Variants in DIAPH2 observed in about 807,000 individuals in gnomAD.
DIAPH2 encodes diaphanous related formin 2.
A neutral mutation model predicts 92.7 loss-of-function variants in DIAPH2; 35 were observed. That is an observed-to-expected ratio of 0.38 (90% CI 0.29 to 0.50). The LOEUF is 0.50. Ranked by LOEUF, DIAPH2 falls within the 20% of genes least tolerant of loss-of-function variation. DIAPH2 has a pLI of 0.94. For missense variants in DIAPH2, 701 were observed against 819.5 expected (o/e 0.86, Z 1.77); for synonymous variants, 301 against 280.4 (o/e 1.07, Z -0.73).
chrX:97,260,524 T>A (rs1056552976), intron 23 of DIAPH2, among the ~76,000 whole-genome samples: 5 of 112,333 alleles, frequency 4.5e-5, no homozygotes, highest in African/African-American at 1.6e-4. Context: ...GACAGTTTGG[T>A]ACCTTGGCGA....
At chrX:97,425,620 CA>C (rs1009042466) in intron 25 of DIAPH2, among the ~76,000 whole-genome samples, 25 of 103,880 alleles carry the variant, frequency 2.4e-4, no homozygotes, top group African/African-American at 8.0e-4. Context: ...ACTAAAAATA[CA>C]AAAAAAAAAT....
chrX:97,347,702 G>T (rs1272753132), intron 23 of DIAPH2, among the ~76,000 whole-genome samples: 1 of 111,251 alleles, frequency 9.0e-6, no homozygotes, highest in Non-Finnish European at 1.9e-5. Flanking sequence ...ATATGTTGAA[G>T]TCCTAACCAC....
chrX:97,001,424 C>T (rs1483316526), intron 17 of DIAPH2, among the ~76,000 whole-genome samples: 4 of 111,847 alleles, frequency 3.6e-5, no homozygotes, highest in African/African-American at 1.3e-4. Context: ...GCGGGTAGAT[C>T]ACGAGGTCAG....
At position 97,436,552 on chromosome X, in the gene DIAPH2, AG is replaced by A. The variant is rs2070188788; in HGVS notation, c.3241+6808del. ...GACAAGAAACAATGTTATACAACAG[AG>A]AAAAAGAAACCTCCGTATGTATTAG... On this transcript the variant is annotated intron_variant, in intron 26 of 26. Coordinates refer to ENST00000324765, the MANE Select transcript of DIAPH2 (RefSeq NM_006729.5). Among the ~76,000 whole-genome samples, 4 of 112,101 alleles carry A rather than the reference AG, an allele frequency of 3.6e-5. No homozygotes were observed. In the South Asian group the frequency reaches 1.5e-3, roughly 42 times the overall value.
chrX:97,438,032 G>A (rs1343538069), intron 26 of DIAPH2, among the ~76,000 whole-genome samples: 1 of 108,014 alleles, frequency 9.3e-6, no homozygotes, highest in Non-Finnish European at 1.9e-5. Flanking sequence ...TGGGCATGGA[G>A]GCACGTGCCT....
At chrX:96,919,892 T>A (rs1051475046) in intron 9 of DIAPH2, among the ~76,000 whole-genome samples, 1 of 108,771 alleles carries the variant, frequency 9.2e-6, no homozygotes, top group East Asian at 2.9e-4. Context: ...TATTTATTTA[T>A]TTATTTATTA....
chrX:96,927,818 C>T (rs2065594245), intron 9 of DIAPH2, among the ~76,000 whole-genome samples: 1 of 110,607 alleles, frequency 9.0e-6, no homozygotes, highest in Non-Finnish European at 1.9e-5. Context: ...CTTTACTGCT[C>T]AGGATGTACA....
chrX:96,804,858 A>G, intron 4 of DIAPH2, among the ~76,000 whole-genome samples: 1 of 111,923 alleles, frequency 8.9e-6, no homozygotes, highest in Non-Finnish European at 1.9e-5. Context: ...CCAGTGAGGC[A>G]CTAATGTCCT....
chrX:97,292,042 T>G (rs1350549614), intron 23 of DIAPH2, among the ~76,000 whole-genome samples: 1 of 107,833 alleles, frequency 9.3e-6, no homozygotes, highest in Non-Finnish European at 1.9e-5. Context: ...CTATTAATAC[T>G]GCTAGTTTTA....
At chrX:97,149,839 C>T (rs990202665) in intron 22 of DIAPH2, among the ~76,000 whole-genome samples, 2 of 105,832 alleles carry the variant, frequency 1.9e-5, no homozygotes, top group Non-Finnish European at 3.9e-5. Context: ...TTTAGGGGAA[C>T]GTTGTTAAAT....
At chrX:96,723,772 A>G (rs896356018) in intron 1 of DIAPH2, among the ~76,000 whole-genome samples, 2 of 111,743 alleles carry the variant, frequency 1.8e-5, no homozygotes, top group African/African-American at 6.5e-5. Flanking sequence ...TTTGTTGAAA[A>G]TAAGTTTAAC....
intron 21 of DIAPH2, among the ~76,000 whole-genome samples, chrX:97,128,170 C>A (rs1443414860): frequency 9.0e-6 from 1 of 111,676 alleles, no homozygotes; most frequent in Non-Finnish European, 1.9e-5. Context: ...CTGCTGGTTG[C>A]CCATTTTTAT....
chrX:96,932,094 A>G (rs2065623349), intron 10 of DIAPH2, among the ~76,000 whole-genome samples: 2 of 110,406 alleles, frequency 1.8e-5, no homozygotes, highest in African/African-American at 6.6e-5. Flanking sequence ...TTGGATAGCT[A>G]AAGATAATCG....
intron 23 of DIAPH2, among the ~76,000 whole-genome samples, chrX:97,298,757 G>A (rs1454160335): frequency 2.7e-5 from 3 of 109,623 alleles, no homozygotes; most frequent in Non-Finnish European, 5.7e-5. Context: ...TGGGACTACA[G>A]GTGTCCACCA....
chrX:96,934,761 A>T (rs1182342585), intron 10 of DIAPH2, among the ~76,000 whole-genome samples: 22 of 111,544 alleles, frequency 2.0e-4, no homozygotes, highest in African/African-American at 7.1e-4. Flanking sequence ...TTAAAATAGG[A>T]TTTTTTTCTG....
chrX:96,861,273 T>A (rs778513544), intron 4 of DIAPH2, among the ~76,000 whole-genome samples: 5 of 111,653 alleles, frequency 4.5e-5, no homozygotes, highest in Admixed American at 1.9e-4. Context: ...CAGATCTTAA[T>A]GCTAACAAAA....
At chrX:97,598,735 T>C (rs1022923421) in intron 26 of DIAPH2, among the ~76,000 whole-genome samples, 1 of 111,813 alleles carries the variant, frequency 8.9e-6, no homozygotes, top group Non-Finnish European at 1.9e-5. Context: ...ATATAATATA[T>C]TGAATTTTTT....
intron 22 of DIAPH2, among the ~76,000 whole-genome samples, chrX:97,143,312 A>G (rs1186752498): frequency 9.0e-6 from 1 of 110,769 alleles, no homozygotes; most frequent in Non-Finnish European, 1.9e-5. Flanking sequence ...TAGCACAAAA[A>G]AGACCAGTTA....
chrX:97,106,067 T>G (rs1239878084), intron 20 of DIAPH2, among the ~76,000 whole-genome samples: 6 of 111,827 alleles, frequency 5.4e-5, no homozygotes, highest in Non-Finnish European at 1.1e-4. Context: ...AAAAGCTTTT[T>G]TTTTCCTTCC....
Sources: allele counts gnomAD v4.1 joint callset (sites outside exome capture counted in the v4.1 genomes callset), GRCh38; gene constraint gnomAD v4.1.1; transcripts MANE v1.5; gene names NCBI Gene and HGNC (gene_info 2026-07-23, HGNC 2026-07-21).